Variants in RASAL2 observed in about 807,000 individuals in gnomAD.
The protein encoded by RASAL2 is ras GTPase-activating protein nGAP.
RASAL2 carries 58 observed loss-of-function variants against 128.9 expected under a neutral mutation model. That is an observed-to-expected ratio of 0.45 (90% confidence interval 0.36 to 0.56). RASAL2 has a LOEUF of 0.56. Ranked by LOEUF, RASAL2 falls within the 20% of genes least tolerant of loss-of-function variation. The pLI, the probability that RASAL2 is intolerant of heterozygous loss-of-function variation, is 0.00. For synonymous variants in RASAL2, 561 were observed against 580.8 expected, an observed-to-expected ratio of 0.97 and a Z score of 0.49; for missense variants, 1,360 against 1,601.6, an observed-to-expected ratio of 0.85 and a Z score of 2.57.
intron 1 of RASAL2, among the ~76,000 whole-genome samples, chr1:178,177,413 G>A (rs1351143048): frequency 6.6e-6 from 1 of 152,114 alleles, no homozygotes; most frequent in Non-Finnish European, 1.5e-5. Flanking sequence ...ATGTAATAAT[G>A]GTAAGCAGGG....
At chr1:178,471,161 T>C (rs1648232318) in intron 17 of RASAL2, among the ~76,000 whole-genome samples, 1 of 152,186 alleles carries the variant, frequency 6.6e-6, no homozygotes, top group South Asian at 2.1e-4. Flanking sequence ...TGGAGAATCC[T>C]AATTTCCTTA....
At chr1:178,226,389 A>G (rs1188944134) in intron 1 of RASAL2, among the ~76,000 whole-genome samples, 1 of 152,186 alleles carries the variant, frequency 6.6e-6, no homozygotes, top group African/African-American at 2.4e-5. Flanking sequence ...TTTGAACTAA[A>G]GAGCTGAATT....
At chr1:178,410,762 C>CA (rs914646419) in intron 4 of RASAL2, among the ~76,000 whole-genome samples, 8 of 151,616 alleles carry the variant, frequency 5.3e-5, no homozygotes, top group Non-Finnish European at 1.0e-4. Context: ...CAAGAAACGT[C>CA]AAAAAAATGC....
chr1:178,234,776 A>G (rs1664160561), intron 1 of RASAL2, among the ~76,000 whole-genome samples: 1 of 152,156 alleles, frequency 6.6e-6, no homozygotes, highest in Admixed American at 6.5e-5. Flanking sequence ...AGGAGATTGA[A>G]CGTATCATCA....
chr1:178,454,395 A>T, intron 11 of RASAL2, 52 bp from the exon 12 acceptor site: 3 of 1,414,444 alleles, frequency 2.1e-6, no homozygotes, highest in Non-Finnish European at 3.0e-6. Flanking sequence ...AATCAAAATG[A>T]TCATATCTCT....
At chr1:178,452,335 A>G (rs1677434123) in intron 10 of RASAL2, 81 bp from the exon 11 acceptor site, 2 of 1,209,012 alleles carry the variant, frequency 1.7e-6, no homozygotes, top group South Asian at 2.6e-5. Flanking sequence ...AAGCAAAAGT[A>G]TATTGGGTCA....
At position 178,390,115 on chromosome 1, in the gene RASAL2, G is replaced by A. The variant is rs371914361; in HGVS notation, c.473G>A (p.Arg158Lys). The change falls in exon 4 of 18, where the codon AGG (arginine) becomes AAG (lysine). Residue 158 changes from arginine (R) to lysine (K), a missense_variant. Transcript: ENST00000367649. The stretch of plus-strand genomic sequence containing the variant: ...TTTTTTCCAGAGGTACCAGCAGAAA[G>A]GTCCCCTCGTAGACGGAGTATCTCA... The part of the protein sequence containing the change: ...GATKLEVPAE[R>K]SPRRRSISGT... 75 of 1,605,796 alleles carry A rather than the reference G, an allele frequency of 4.7e-5. No homozygotes were observed. The African/African-American group carries it at 9.3e-4, about 20-fold the overall frequency.
At chr1:178,140,526 T>A (rs1259234217) in intron 1 of RASAL2, among the ~76,000 whole-genome samples, 1 of 152,226 alleles carries the variant, frequency 6.6e-6, no homozygotes, top group Non-Finnish European at 1.5e-5. Flanking sequence ...ATATGTTTAC[T>A]GTCTCTATAG....
chr1:178,168,337 A>G (rs542897918), intron 1 of RASAL2, among the ~76,000 whole-genome samples: 3 of 151,864 alleles, frequency 2.0e-5, no homozygotes, highest in African/African-American at 7.2e-5. Flanking sequence ...TACTACATAT[A>G]TTATATGAAG....
chr1:178,342,708 A>G (rs1669949686), intron 3 of RASAL2, among the ~76,000 whole-genome samples: 2 of 152,168 alleles, frequency 1.3e-5, no homozygotes, highest in African/African-American at 4.8e-5. Flanking sequence ...TATTTTTGTA[A>G]TGTATCTGTT....
intron 3 of RASAL2, among the ~76,000 whole-genome samples, chr1:178,306,350 A>G (rs1330127603): frequency 3.3e-5 from 5 of 152,184 alleles, no homozygotes; most frequent in Admixed American, 6.5e-5. Context: ...TAGTGCCGCA[A>G]TAAACATATG....
At chr1:178,176,177 C>A (rs1461935139) in intron 1 of RASAL2, among the ~76,000 whole-genome samples, 1 of 152,136 alleles carries the variant, frequency 6.6e-6, no homozygotes. Flanking sequence ...TTCCAACCAG[C>A]AGTGTATAAG....
intron 3 of RASAL2, among the ~76,000 whole-genome samples, chr1:178,304,720 C>T (rs772320591): frequency 5.9e-5 from 9 of 152,144 alleles, no homozygotes; most frequent in African/African-American, 1.4e-4. Flanking sequence ...AAACTGAAAG[C>T]GTTTCCTCTT....
chr1:178,385,916 G>C (rs1434684326), intron 3 of RASAL2, among the ~76,000 whole-genome samples: 1 of 152,128 alleles, frequency 6.6e-6, no homozygotes, highest in Admixed American at 6.5e-5. Context: ...CCTCACCTTT[G>C]CAGTGCAACT....
chr1:178,171,121 G>C (rs749399735), intron 1 of RASAL2, among the ~76,000 whole-genome samples: 7 of 151,874 alleles, frequency 4.6e-5, no homozygotes, highest in African/African-American at 1.7e-4. Context: ...TCCACAGAAC[G>C]TATGGAGTAT....
chr1:178,115,152 C>A (rs1425597889), intron 1 of RASAL2, among the ~76,000 whole-genome samples: 2 of 152,158 alleles, frequency 1.3e-5, no homozygotes, highest in Non-Finnish European at 2.9e-5. Context: ...CACTTCAAAT[C>A]CAATTTCCTT....
intron 3 of RASAL2, among the ~76,000 whole-genome samples, chr1:178,340,610 A>G (rs752500376): frequency 3.3e-5 from 5 of 152,204 alleles, no homozygotes; most frequent in Admixed American, 6.5e-5. Flanking sequence ...TATTTAAAAA[A>G]TGAAGTTCTC....
At chr1:178,295,376 C>T (rs1667447890) in intron 2 of RASAL2, among the ~76,000 whole-genome samples, 2 of 151,982 alleles carry the variant, frequency 1.3e-5, no homozygotes, top group Non-Finnish European at 2.9e-5. Flanking sequence ...TCACCCCTCA[C>T]CCCCCAGCAG....
chr1:178,137,854 T>C (rs1660381783), intron 1 of RASAL2, among the ~76,000 whole-genome samples: 1 of 152,238 alleles, frequency 6.6e-6, no homozygotes. Context: ...AATAACTTTT[T>C]TTAAACTGTG....
Sources: allele counts gnomAD v4.1 joint callset (sites outside exome capture counted in the v4.1 genomes callset), GRCh38; gene constraint gnomAD v4.1.1; transcripts MANE v1.5; gene names NCBI Gene and HGNC (gene_info 2026-07-23, HGNC 2026-07-21).